Variants in MYRFL observed in about 807,000 individuals in gnomAD.
The protein encoded by MYRFL is myelin regulatory factor like, also known as myelin regulatory factor-like protein.
In MYRFL, 88 loss-of-function variants were observed where a neutral mutation model predicts 109.4. That is an observed-to-expected ratio of 0.80 (90% confidence interval 0.68 to 0.96). MYRFL has a LOEUF of 0.96. Ranked by LOEUF, MYRFL falls within the 40% of genes least tolerant of loss-of-function variation. The pLI is 0.00. For missense variants in MYRFL, 957 were observed against 954.9 expected (o/e 1.00, Z -0.03); for synonymous variants, 324 against 320.9 (o/e 1.01, Z -0.10).
intron 13 of MYRFL, among the ~76,000 whole-genome samples, chr12:69,924,190 G>GAAAAAAAAAA (rs543542332): frequency 1.3e-5 from 1 of 79,880 alleles, no homozygotes; most frequent in Non-Finnish European, 2.4e-5. Context: ...CTCCGTCTCA[G>GAAAAAAAAAA]AAAAAAAAAA....
rs1886763411 is a variant in MYRFL at position 69,890,995 on chromosome 12, AACAG to A, written c.736_739del (p.Asp246LysfsTer22). 2 of 1,531,312 alleles carry A rather than the reference AACAG, an allele frequency of 1.3e-6. No individual in the cohort carries two copies. The highest frequency in any genetic ancestry group is 8.7e-7 in the Non-Finnish European group (1 of 1,145,062). 94.9% of individuals were successfully genotyped at this position (1,531,312 alleles called of 1,614,324 possible). ...GACCTGATGTGGGCTATCGAGTTGTAACAGACAAAGGATTTAATTTTTCACCAGC... is the reference window on the plus strand; with the variant it reads ...GACCTGATGTGGGCTATCGAGTTGTAACAAAGGATTTAATTTTTCACCAGC... On this transcript the variant is annotated frameshift_variant, in exon 7 of 25. Transcript: ENST00000552032. LOFTEE classifies it high-confidence loss of function.
At chr12:69,919,375 A>T (rs770129604) in intron 13 of MYRFL, among the ~76,000 whole-genome samples, 1 of 152,230 alleles carries the variant, frequency 6.6e-6, no homozygotes. Context: ...TTAAACGAGG[A>T]TTCTAAGGCA....
chr12:69,865,711 A>G (rs1565980578), intron 2 of MYRFL, among the ~76,000 whole-genome samples: 1 of 152,090 alleles, frequency 6.6e-6, no homozygotes, highest in South Asian at 2.1e-4. Flanking sequence ...CTTATATTTT[A>G]GTCTCCGTGA....
Position 69,932,416 on chromosome 12 carries a change from G to C in MYRFL, c.1831-97G>C, listed in dbSNP as rs7964219. The C allele has an allele frequency of 0.02, 15,022 of 760,992 alleles. 1,518 individuals carry two copies. The African/African-American group carries it at 0.23, about 11-fold the overall frequency. 47.1% of individuals were successfully genotyped at this position (760,992 alleles called of 1,614,324 possible). On this transcript the variant is annotated intron_variant, in intron 15 of 24. Coordinates refer to ENST00000552032, the MANE Select transcript of MYRFL (RefSeq NM_182530.3). ...GGCAAGCACTCAAACTATCCCAAGA[G>C]AGCAGCAAATACCCCTGCTGGGAGC...
chr12:69,900,968 T>A (rs1954163435), intron 10 of MYRFL, among the ~76,000 whole-genome samples: 1 of 152,188 alleles, frequency 6.6e-6, no homozygotes, highest in Non-Finnish European at 1.5e-5. Context: ...CTTTTCATCC[T>A]CATTTTTGCA....
chr12:69,952,922 T>A lies in MYRFL; in HGVS notation c.2375+36T>A. 3 of 1,426,274 alleles carry A rather than the reference T, an allele frequency of 2.1e-6. No individual in the cohort carries two copies. In the South Asian group the frequency reaches 3.8e-5, roughly 18 times the overall value. 88.4% of individuals were successfully genotyped at this position (1,426,274 alleles called of 1,614,324 possible). On this transcript the variant is annotated intron_variant, in intron 21 of 24. Coordinates refer to ENST00000552032, the MANE Select transcript of MYRFL (RefSeq NM_182530.3). ...CTCCCCAGCATGCCCTGGTTGTTTCTGGAATTTACCCATGGCTCTGGGTTT... is the reference window on the plus strand; with the variant it reads ...CTCCCCAGCATGCCCTGGTTGTTTCAGGAATTTACCCATGGCTCTGGGTTT...
chr12:69,826,483 A>C (rs944509950), intron 1 of MYRFL, among the ~76,000 whole-genome samples: 2 of 152,096 alleles, frequency 1.3e-5, no homozygotes, highest in African/African-American at 2.4e-5. Context: ...GAAACCAGCA[A>C]TTTATTGTAT....
chr12:69,853,476 G>A lies in MYRFL; in HGVS notation c.47-1804G>A, dbSNP rs376853306. 5.3e-4 allele frequency among the ~76,000 whole-genome samples: 80 copies of A among 150,638 alleles called. 1 individual carries two copies. Among genetic ancestry groups the A allele is most frequent in the African/African-American group, 1.2e-3 (49 of 40,840 alleles). ...CAGAGACACTCCTCAGTTCCCAGAC[G>A]GAGTCGCGGCCAGGCAGAGGCGCGC... On this transcript the variant is annotated intron_variant, in intron 1 of 24. Transcript: ENST00000552032.
intron 2 of MYRFL, among the ~76,000 whole-genome samples, chr12:69,872,366 T>G (rs1194232760): frequency 6.6e-6 from 1 of 152,064 alleles, no homozygotes. Context: ...CTTTGTCACC[T>G]AGGCTGAAGT....
chr12:69,831,591 T>C lies in MYRFL; in HGVS notation c.46+6028T>C, dbSNP rs75919788. 6.0e-4 allele frequency among the ~76,000 whole-genome samples: 92 copies of C among 152,296 alleles called. 1 individual carries two copies. In the East Asian group the frequency reaches 0.017, roughly 28 times the overall value. On this transcript the variant is annotated intron_variant, in intron 1 of 24. Coordinates refer to ENST00000552032, the MANE Select transcript of MYRFL (RefSeq NM_182530.3). ...GGCCTTAATTTCCTTGCTTGTAAAATGGGGATAACCCTATTATCTCAAAAT... is the reference window on the plus strand; with the variant it reads ...GGCCTTAATTTCCTTGCTTGTAAAACGGGGATAACCCTATTATCTCAAAAT...
At chr12:69,886,469 A>G (rs989786192) in intron 5 of MYRFL, among the ~76,000 whole-genome samples, 3 of 152,130 alleles carry the variant, frequency 2.0e-5, no homozygotes, top group Non-Finnish European at 4.4e-5. Context: ...TGAATGCTGT[A>G]CTTTGGTTGA....
At chr12:69,943,128 A>G (rs942100154) in intron 19 of MYRFL, among the ~76,000 whole-genome samples, 8 of 151,734 alleles carry the variant, frequency 5.3e-5, no homozygotes, top group African/African-American at 1.7e-4. Flanking sequence ...TACAGATTCA[A>G]TGCCATCCCC....
chr12:69,931,359 T>C (rs1661516744), intron 15 of MYRFL, among the ~76,000 whole-genome samples: 1 of 152,188 alleles, frequency 6.6e-6, no homozygotes, highest in South Asian at 2.1e-4. Flanking sequence ...GTATAAACCA[T>C]TGACTTCTTG....
chr12:69,910,161 T>C (rs1032598529), intron 12 of MYRFL, 84 bp downstream of exon 12: 9 of 908,822 alleles, frequency 9.9e-6, no homozygotes. Flanking sequence ...TTATGTGCTA[T>C]GGCATTTGAC....
Position 69,957,709 on chromosome 12 carries a change from T to C in MYRFL, c.2451-113T>C, listed in dbSNP as rs182904461. 6.2e-6 allele frequency: 8 copies of C among 1,289,884 alleles called. No individual in the cohort carries two copies. In the East Asian group the frequency reaches 2.1e-4, roughly 33 times the overall value. 79.9% of individuals were successfully genotyped at this position (1,289,884 alleles called of 1,614,324 possible). On this transcript the variant is annotated intron_variant, in intron 22 of 24. Transcript: ENST00000552032. ...GTGATACAATGCCTATTGTGAACTT[T>C]GAATGGATTTCCAAGTTACGTTCCC...
intron 11 of MYRFL, among the ~76,000 whole-genome samples, chr12:69,909,666 A>G (rs1046608614): frequency 6.6e-6 from 1 of 152,158 alleles, no homozygotes; most frequent in African/African-American, 2.4e-5. Context: ...CTTGATTGTT[A>G]TCATTTTGCT....
At chr12:69,847,355 G>A (rs896222099) in intron 1 of MYRFL, among the ~76,000 whole-genome samples, 1 of 152,128 alleles carries the variant, frequency 6.6e-6, no homozygotes, top group African/African-American at 2.4e-5. Context: ...CCTTGCTAGT[G>A]AAGACATTCA....
intron 1 of MYRFL, among the ~76,000 whole-genome samples, chr12:69,837,326 TG>T (rs1465079358): frequency 6.6e-6 from 1 of 152,120 alleles, no homozygotes; most frequent in Non-Finnish European, 1.5e-5. Flanking sequence ...GCTCACAAAC[TG>T]GCCACTGGCT....
In MYRFL at chr12:69,891,118, G is replaced by C; in HGVS notation, c.855G>C (p.Met285Ile). Residue 285 changes from methionine (M) to isoleucine (I), a missense_variant, in exon 7 of 25, where the codon ATG (methionine) becomes ATC (isoleucine). Transcript: ENST00000552032. ...WGSPKFVETE[M>I]GLKPIEMFYL... The stretch of plus-strand genomic sequence containing the variant: ...GTCCAAAATTTGTTGAAACCGAGAT[G>C]GGCCTAAAGCCAATAGAAATGTTTT... 6.5e-7 allele frequency: 1 copy of C among 1,534,502 alleles called. No individual in the cohort carries two copies. The highest frequency in any genetic ancestry group is 2.4e-5 in the East Asian group (1 of 40,866).
Sources: gnomAD v4.1 joint callset for allele counts (sites outside exome capture counted in the v4.1 genomes callset) on GRCh38, gnomAD v4.1.1 for gene constraint, MANE v1.5 for transcripts, NCBI Gene and HGNC (gene_info 2026-07-23, HGNC 2026-07-21) for gene names.